The following TATDN1 variants were observed in gnomAD, a reference collection of about 807,000 sequenced individuals.
TATDN1 encodes deoxyribonuclease TATDN1.
In TATDN1, 40 loss-of-function variants were observed where a neutral mutation model predicts 46.4. That is an observed-to-expected ratio of 0.86 (90% CI 0.67 to 1.12). The LOEUF (loss-of-function observed/expected upper bound fraction) is 1.12, where lower values mean the gene tolerates loss of function less well. Ranked by LOEUF, TATDN1 falls within the 50% of genes most tolerant of loss-of-function variation. TATDN1 has a pLI of 0.00. For synonymous variants in TATDN1, 95 were observed against 105.6 expected (o/e 0.90, Z 0.62); for missense variants, 326 against 348.4 (o/e 0.94, Z 0.51).
At chr8:124,502,237 A>G (rs1818031090) in intron 9 of TATDN1, among the ~76,000 whole-genome samples, 1 of 151,934 alleles carries the variant, frequency 6.6e-6, no homozygotes, top group Non-Finnish European at 1.5e-5. Context: ...GCTACTCGGG[A>G]AGCTGAGGCA....
intron 3 of TATDN1, chr8:124,521,949 A>G: frequency 2.4e-6 from 1 of 424,114 alleles, no homozygotes; most frequent in Non-Finnish European, 4.1e-6. Flanking sequence ...TATAAAAACA[A>G]TACATGAGAT....
chr8:124,488,929 T>C (rs1450140940), intron 11 of TATDN1: 1 of 447,054 alleles, frequency 2.2e-6, no homozygotes, highest in Non-Finnish European at 4.0e-6. Context: ...TTCAAGTAAA[T>C]TATTAAAGCA....
chr8:124,495,449 C>CA (rs1817381328), intron 10 of TATDN1, 23 bp downstream of exon 10: 1 of 1,580,102 alleles, frequency 6.3e-7, no homozygotes, highest in Non-Finnish European at 8.6e-7. Context: ...TAATATGAAA[C>CA]AAAGTTCTGA....
intron 10 of TATDN1, 116 bp from the exon 11 acceptor site, chr8:124,494,075 ACAGT>A (rs1437260859): frequency 9.9e-7 from 1 of 1,009,262 alleles, no homozygotes; most frequent in Non-Finnish European, 1.4e-6. Context: ...CCAAAATGGC[ACAGT>A]TATTTCAACA....
At chr8:124,505,749 C>T (rs2131406782) in intron 8 of TATDN1, among the ~76,000 whole-genome samples, 1 of 152,060 alleles carries the variant, frequency 6.6e-6, no homozygotes, top group Non-Finnish European at 1.5e-5. Flanking sequence ...CACATTACTA[C>T]TGAGTCCAGA....
chr8:124,488,969 C>A, intron 11 of TATDN1: 1 of 364,708 alleles, frequency 2.7e-6, no homozygotes, highest in Non-Finnish European at 5.0e-6. Context: ...CCAATTATAG[C>A]ATTAACTGAG....
intron 6 of TATDN1, among the ~76,000 whole-genome samples, chr8:124,514,722 A>G (rs565666778): frequency 2.0e-5 from 3 of 152,306 alleles, no homozygotes; most frequent in Non-Finnish European, 2.9e-5. Context: ...TTTTCAATCT[A>G]TAACACTCAC....
chr8:124,538,678 G>C (rs1230251344), intron 1 of TATDN1, among the ~76,000 whole-genome samples: 2 of 152,202 alleles, frequency 1.3e-5, no homozygotes, highest in African/African-American at 2.4e-5. Flanking sequence ...AAGGCAGAGG[G>C]GAAGGGCCGG....
At chr8:124,488,759 A>G (rs1211539461) in intron 11 of TATDN1, 63 bp from the exon 12 acceptor site, 2 of 984,450 alleles carry the variant, frequency 2.0e-6, no homozygotes, top group African/African-American at 1.6e-5. Context: ...CTAAAGCTAT[A>G]TAATATTTTT....
intron 2 of TATDN1, 120 bp downstream of exon 2, chr8:124,522,817 A>C (rs1413741850): frequency 1.2e-6 from 1 of 845,002 alleles, no homozygotes; most frequent in Non-Finnish European, 2.0e-6. Flanking sequence ...AGACTCCCAA[A>C]GTGCTGAGAT....
chr8:124,508,639 A>T lies in TATDN1; in HGVS notation c.439T>A (p.Phe147Ile). 1.2e-6 allele frequency: 2 copies of T among 1,601,136 alleles called. No homozygotes were observed. The highest frequency in any genetic ancestry group is 1.7e-6 in the Non-Finnish European group (2 of 1,173,450). ...ELSEQTKLPM[F>I]LHCRNSHAEF... ...GCATGTGAGTTTCGACAATGAAGAA[A>T]CATTGGTAATTTTGTTTGTTCTGAC... Residue 147 changes from phenylalanine (F) to isoleucine (I), a missense_variant, in exon 7 of 12, where the codon TTT becomes ATT. Phe to Ile is a conservative substitution (Grantham distance 21). Coordinates refer to ENST00000276692, the MANE Select transcript of TATDN1 (RefSeq NM_032026.4).
intron 9 of TATDN1, among the ~76,000 whole-genome samples, chr8:124,498,390 C>G (rs918796192): frequency 2.0e-5 from 3 of 152,066 alleles, no homozygotes; most frequent in Non-Finnish European, 4.4e-5. Flanking sequence ...CCTCACCATA[C>G]AGTTTTTTCA....
chr8:124,509,497 G>A (rs979446683), intron 6 of TATDN1, among the ~76,000 whole-genome samples: 4 of 152,158 alleles, frequency 2.6e-5, no homozygotes, highest in Non-Finnish European at 5.9e-5. Flanking sequence ...CTTCAACACA[G>A]TGCTCCCCCT....
chr8:124,524,367 C>T (rs1820303223), intron 1 of TATDN1, among the ~76,000 whole-genome samples: 1 of 152,184 alleles, frequency 6.6e-6, no homozygotes, highest in South Asian at 2.1e-4. Flanking sequence ...TAATACTATA[C>T]ATACAATATA....
intron 1 of TATDN1, among the ~76,000 whole-genome samples, chr8:124,532,831 T>C (rs1456221592): frequency 6.6e-6 from 1 of 152,152 alleles, no homozygotes; most frequent in African/African-American, 2.4e-5. Flanking sequence ...GGCTGCATAA[T>C]GGAAGCCAGC....
At position 124,539,040 on chromosome 8, in the gene TATDN1, G is replaced by A. The variant is rs371587477; in HGVS notation, c.7C>T (p.Arg3Cys). 1.2e-5 allele frequency: 19 copies of A among 1,613,730 alleles called. No individual in the cohort carries two copies. The highest frequency in any genetic ancestry group is 8.3e-5 in the Admixed American group (5 of 59,994). The stretch of plus-strand genomic sequence containing the variant: ...CTCCTCTTACCGATAAACTTGAAGC[G>A]ACTCATGACTGCGCATGGAGGACCT... The part of the protein sequence containing the change: MS[R>C]FKFIDIGINL... The change falls in exon 1 of 12, where the codon CGC becomes TGC. Residue 3 changes from arginine to cysteine, a missense_variant. Physicochemically the swap from Arg to Cys is radical, Grantham distance 180 (BLOSUM62 -3). Coordinates refer to ENST00000276692, the MANE Select transcript of TATDN1 (RefSeq NM_032026.4).
In TATDN1 at chr8:124,522,152, T is replaced by G. The variant is rs200928488; in HGVS notation, c.137A>C (p.Lys46Thr). Reference sequence around the variant, plus strand: ...CAAAAATAACAAAATGGATGTTACCTTTTTAACACCAATCTCGACAGCTCT... The same window carrying G: ...CAAAAATAACAAAATGGATGTTACCGTTTTAACACCAATCTCGACAGCTCT... ...IGRAVEIGVK[K>T]FMITGGNLQD... Residue 46 changes from lysine (K) to threonine (T), a missense_variant and splice_region_variant, in exon 3 of 12, where the codon AAG (lysine) becomes ACG (threonine). Lys to Thr is a moderately conservative substitution (Grantham distance 78). Transcript: ENST00000276692. 2 of 1,582,610 alleles carry G rather than the reference T, an allele frequency of 1.3e-6. No homozygotes were observed. Among genetic ancestry groups the G allele is most frequent in the East Asian group, 2.3e-5 (1 of 44,142 alleles).
chr8:124,518,156 G>A (rs1433475794), intron 4 of TATDN1, among the ~76,000 whole-genome samples: 1 of 139,326 alleles, frequency 7.2e-6, no homozygotes, highest in Non-Finnish European at 1.5e-5. Context: ...CGCGCGCAGT[G>A]AGCCGAGATT....
chr8:124,512,463 C>A (rs1355358712), intron 6 of TATDN1, among the ~76,000 whole-genome samples: 1 of 152,132 alleles, frequency 6.6e-6, no homozygotes, highest in East Asian at 1.9e-4. Flanking sequence ...CAATCATACA[C>A]TGGTTGTTCC....
Sources: gnomAD v4.1 joint callset for allele counts (sites outside exome capture counted in the v4.1 genomes callset) on GRCh38, gnomAD v4.1.1 for gene constraint, MANE v1.5 for transcripts, NCBI Gene and HGNC (gene_info 2026-07-23, HGNC 2026-07-21) for gene names.